Variants in ESRRG observed in about 807,000 individuals in gnomAD.
The protein encoded by ESRRG is estrogen related receptor gamma.
A neutral mutation model predicts 44.0 loss-of-function variants in ESRRG; 13 were observed. The observed-to-expected ratio is 0.30, with a 90% CI of 0.19 to 0.47. The LOEUF is 0.47. Ranked by LOEUF, ESRRG falls within the 20% of genes least tolerant of loss-of-function variation. The pLI, the probability that ESRRG is intolerant of heterozygous loss-of-function variation, is 1.00. For synonymous variants in ESRRG, 215 were observed against 214.6 expected, an observed-to-expected ratio of 1.00 and a Z score of -0.02; for missense variants, 395 against 580.6, an observed-to-expected ratio of 0.68 and a Z score of 3.29.
At chr1:217,082,428 G>C (rs956413835) in intron 1 of ESRRG, among the ~76,000 whole-genome samples, 1 of 152,124 alleles carries the variant, frequency 6.6e-6, no homozygotes, top group African/African-American at 2.4e-5. Flanking sequence ...TAATTATAAA[G>C]GTTCAAAGAG....
chr1:217,057,684 C>A (rs968479924), intron 1 of ESRRG, among the ~76,000 whole-genome samples: 2 of 152,038 alleles, frequency 1.3e-5, no homozygotes, highest in Non-Finnish European at 2.9e-5. Context: ...AAACTGAAAA[C>A]TCTGAAAGCA....
At chr1:216,854,192 A>G (rs1559875808) in intron 2 of ESRRG, among the ~76,000 whole-genome samples, 1 of 152,072 alleles carries the variant, frequency 6.6e-6, no homozygotes, top group Admixed American at 6.5e-5. Flanking sequence ...CCCTGTCTCT[A>G]CTAAAAATAC....
chr1:216,599,266 T>C (rs2058863415), intron 3 of ESRRG, among the ~76,000 whole-genome samples: 2 of 152,158 alleles, frequency 1.3e-5, no homozygotes, highest in Non-Finnish European at 2.9e-5. Flanking sequence ...ACAAGTCATT[T>C]CAAAAGAAAA....
At chr1:216,799,301 T>C (rs2094553657) in intron 2 of ESRRG, among the ~76,000 whole-genome samples, 1 of 151,998 alleles carries the variant, frequency 6.6e-6, no homozygotes, top group African/African-American at 2.4e-5. Flanking sequence ...GTCTACTATT[T>C]CTGTTGGTTT....
At chr1:216,991,662 GGGATGGGATGGGATGGGA>G (rs2075735958) in intron 1 of ESRRG, among the ~76,000 whole-genome samples, 1 of 146,810 alleles carries the variant, frequency 6.8e-6, no homozygotes, top group African/African-American at 2.5e-5. Flanking sequence ...GGGATGGGAT[GGGATGGGATGGGATGGGA>G]TGGGATGGGA....
intron 2 of ESRRG, among the ~76,000 whole-genome samples, chr1:216,882,435 A>G (rs1226220138): frequency 6.6e-6 from 1 of 152,214 alleles, no homozygotes; most frequent in Non-Finnish European, 1.5e-5. Flanking sequence ...TGAAGTAATG[A>G]AAAAAGGAAA....
chr1:216,547,616 T>C (rs1047125408), intron 5 of ESRRG, among the ~76,000 whole-genome samples: 23 of 152,080 alleles, frequency 1.5e-4, no homozygotes, highest in Non-Finnish European at 8.8e-5. Flanking sequence ...AAGATGTAAA[T>C]TTTATTCTTC....
chr1:216,519,112 AT>A (rs767730015), intron 6 of ESRRG, 39 bp downstream of exon 6: 1 of 1,582,738 alleles, frequency 6.3e-7, no homozygotes, highest in African/African-American at 1.4e-5. Flanking sequence ...AAACTGACAT[AT>A]TAAAAAAAAT....
At chr1:216,618,696 C>T (rs543272512) in intron 3 of ESRRG, among the ~76,000 whole-genome samples, 2 of 152,244 alleles carry the variant, frequency 1.3e-5, no homozygotes, top group African/African-American at 4.8e-5. Flanking sequence ...TCGAAATTTT[C>T]CTAATCCAGG....
chr1:216,906,390 G>T (rs941707892), intron 2 of ESRRG, among the ~76,000 whole-genome samples: 9 of 152,146 alleles, frequency 5.9e-5, no homozygotes, highest in African/African-American at 2.2e-4. Context: ...GAGGCTAAGT[G>T]GTGACTTGTA....
At chr1:216,950,980 C>A (rs775924896) in intron 1 of ESRRG, among the ~76,000 whole-genome samples, 16 of 152,172 alleles carry the variant, frequency 1.1e-4, no homozygotes, top group Non-Finnish European at 1.5e-4. Flanking sequence ...AATCCTCTAA[C>A]AAACACTGGG....
At chr1:216,776,660 C>A (rs990248027) in intron 2 of ESRRG, among the ~76,000 whole-genome samples, 1 of 152,096 alleles carries the variant, frequency 6.6e-6, no homozygotes. Context: ...TTCCATAGAA[C>A]CATCTTCAAA....
intron 1 of ESRRG, among the ~76,000 whole-genome samples, chr1:216,713,574 A>G (rs1328522390): frequency 6.6e-6 from 1 of 152,202 alleles, no homozygotes; most frequent in Admixed American, 6.5e-5. Context: ...GATGTTTAAT[A>G]GAATTGGAGT....
intron 1 of ESRRG, among the ~76,000 whole-genome samples, chr1:216,982,476 C>T (rs2074124160): frequency 6.6e-6 from 1 of 152,008 alleles, no homozygotes; most frequent in African/African-American, 2.4e-5. Context: ...CCATTCCTCC[C>T]ATACAATGAG....
intron 1 of ESRRG, among the ~76,000 whole-genome samples, chr1:216,998,046 TC>T (rs2076585618): frequency 2.0e-5 from 3 of 152,332 alleles, no homozygotes; most frequent in African/African-American, 7.2e-5. Flanking sequence ...TAAGGATTGA[TC>T]CACTTGCTAC....
intron 1 of ESRRG, among the ~76,000 whole-genome samples, chr1:217,086,822 T>A (rs1185761600): frequency 6.6e-6 from 1 of 152,234 alleles, no homozygotes; most frequent in East Asian, 1.9e-4. Flanking sequence ...ACCTTCGGTG[T>A]CTAATTGAAA....
chr1:216,822,852 A>G (rs550836615), intron 2 of ESRRG, among the ~76,000 whole-genome samples: 1 of 152,230 alleles, frequency 6.6e-6, no homozygotes, highest in Non-Finnish European at 1.5e-5. Flanking sequence ...TAAGGAAGCC[A>G]TACAACCCAG....
At chr1:216,784,455 C>G (rs953588277) in intron 2 of ESRRG, among the ~76,000 whole-genome samples, 1 of 151,960 alleles carries the variant, frequency 6.6e-6, no homozygotes, top group Non-Finnish European at 1.5e-5. Context: ...ATCAACACAA[C>G]ATACACAATC....
intron 2 of ESRRG, among the ~76,000 whole-genome samples, chr1:216,749,746 G>C (rs1226573063): frequency 1.3e-5 from 2 of 152,096 alleles, no homozygotes; most frequent in Non-Finnish European, 1.5e-5. Flanking sequence ...TTACTGGGAA[G>C]TATAATTACG....
Sources: gnomAD v4.1 joint callset for allele counts (sites outside exome capture counted in the v4.1 genomes callset) on GRCh38, gnomAD v4.1.1 for gene constraint, MANE v1.5 for transcripts, NCBI Gene and HGNC (gene_info 2026-07-23, HGNC 2026-07-21) for gene names.